Variants in SND1 observed in about 807,000 individuals in gnomAD.
SND1 encodes staphylococcal nuclease domain-containing protein 1.
SND1 carries 38 observed loss-of-function variants against 121.7 expected under a neutral mutation model. The observed-to-expected ratio is 0.31, with a 90% CI of 0.24 to 0.41. The LOEUF (loss-of-function observed/expected upper bound fraction) is 0.41. Ranked by LOEUF, SND1 falls within the 10% of genes least tolerant of loss-of-function variation. The pLI is 1.00. For missense variants in SND1, 868 were observed against 1,184.6 expected, an observed-to-expected ratio of 0.73 and a Z score of 3.92; for synonymous variants, 401 against 447.4, an observed-to-expected ratio of 0.90 and a Z score of 1.31.
intron 14 of SND1, among the ~76,000 whole-genome samples, chr7:127,922,199 T>TTTTTTTTTTTTTTTTTGTTTTTTTG (rs1554443300): frequency 1.1e-5 from 1 of 93,500 alleles, no homozygotes; most frequent in African/African-American, 4.3e-5. Context: ...TTTTTTTTTT[T>TTTTTTTTTTTTTTTTTGTTTTTTTG]TTTTGTTTTG....
intron 9 of SND1, among the ~76,000 whole-genome samples, chr7:127,719,845 T>C (rs1587618468): frequency 1.3e-5 from 2 of 152,242 alleles, no homozygotes; most frequent in South Asian, 4.1e-4. Flanking sequence ...ACTTACAGAT[T>C]GATTCCAGCT....
Position 127,757,194 on chromosome 7 carries a change from G to C in SND1, c.1152+35794G>C, listed in dbSNP as rs191090507. 4.9e-3 allele frequency among the ~76,000 whole-genome samples: 748 copies of C among 152,212 alleles called. 5 individuals are homozygous for C. The highest frequency in any genetic ancestry group is 0.017 in the African/African-American group (708 of 41,546). The stretch of plus-strand genomic sequence containing the variant: ...AGTCAGTGCAATCATACAGTAGGCA[G>C]CCTTTAATATCTGGCTTTTTTCATG... On this transcript the variant is annotated intron_variant, in intron 10 of 23. Coordinates refer to ENST00000354725, the MANE Select transcript of SND1 (RefSeq NM_014390.4).
intron 16 of SND1, among the ~76,000 whole-genome samples, chr7:128,046,934 C>T (rs1194300659): frequency 6.6e-6 from 1 of 152,170 alleles, no homozygotes; most frequent in African/African-American, 2.4e-5. Context: ...CTTACCACTT[C>T]TTTGAAAGTA....
At chr7:127,730,334 C>G (rs1014037505) in intron 10 of SND1, among the ~76,000 whole-genome samples, 2 of 152,186 alleles carry the variant, frequency 1.3e-5, no homozygotes, top group African/African-American at 2.4e-5. Flanking sequence ...AATGCCTTTG[C>G]CTGGTTTAGT....
intron 15 of SND1, among the ~76,000 whole-genome samples, chr7:127,945,886 A>T (rs1801318483): frequency 6.6e-6 from 1 of 152,248 alleles, no homozygotes; most frequent in East Asian, 1.9e-4. Flanking sequence ...GGCCTGGGAA[A>T]GTTAACTCAC....
intron 15 of SND1, among the ~76,000 whole-genome samples, chr7:127,941,901 T>TG (rs1427425541): frequency 6.9e-6 from 1 of 145,562 alleles, no homozygotes; most frequent in Non-Finnish European, 1.5e-5. Flanking sequence ...TTTTTTTTTT[T>TG]TTTTTTTTTT....
chr7:128,033,052 G>A (rs1161894997), intron 16 of SND1, among the ~76,000 whole-genome samples: 2 of 152,112 alleles, frequency 1.3e-5, no homozygotes, highest in Non-Finnish European at 2.9e-5. Context: ...CTTGCTCCCC[G>A]CTGCCCCCAG....
chr7:128,091,898 G>A lies in SND1; in HGVS notation c.2667+17G>A. 6.2e-7 allele frequency: 1 copy of A among 1,614,164 alleles called. No homozygotes were observed. Among genetic ancestry groups the A allele is most frequent in the Non-Finnish European group, 8.5e-7 (1 of 1,180,016 alleles). On this transcript the variant is annotated intron_variant, in intron 23 of 23. Transcript: ENST00000354725. ...AGCGCCAGGGTGAGTTCTTACCTTG[G>A]GAGCCCCCAGAGGGTACCGAGTTGA... is the stretch of plus-strand genomic sequence containing the variant.
At chr7:127,884,521 C>T (rs1345272634) in intron 12 of SND1, among the ~76,000 whole-genome samples, 1 of 152,140 alleles carries the variant, frequency 6.6e-6, no homozygotes, top group Non-Finnish European at 1.5e-5. Context: ...TGCTGAGGGA[C>T]ATAGGGTTCC....
rs757832401 is a variant in SND1, at chr7:128,029,669, G to A, written c.1779+38613G>A. On this transcript the variant is annotated intron_variant, in intron 16 of 23. Coordinates refer to ENST00000354725, the MANE Select transcript of SND1 (RefSeq NM_014390.4). The surrounding 1 kb of genome is among the most constrained non-coding windows in gnomAD (Gnocchi z 4.2). ...TGGGAGCATGACAGCGGCCACAGCA[G>A]GTGGAATTGGTGGGTATATACTCTC... The A allele has an allele frequency of 3.7e-6, 6 of 1,613,842 alleles. No homozygotes were observed. The highest frequency in any genetic ancestry group is 5.1e-6 in the Non-Finnish European group (6 of 1,179,986).
chr7:128,003,222 AAAAATG>A (rs1246486555), intron 16 of SND1, among the ~76,000 whole-genome samples: 3 of 152,222 alleles, frequency 2.0e-5, no homozygotes, highest in Non-Finnish European at 2.9e-5. Context: ...AAAAGAAGAA[AAAAATG>A]AAAATGAAAA....
intron 13 of SND1, among the ~76,000 whole-genome samples, chr7:127,901,574 A>T (rs1403870518): frequency 3.3e-5 from 5 of 151,604 alleles, no homozygotes; most frequent in African/African-American, 1.2e-4. Context: ...GATCCCTCCC[A>T]CTTTGCAGCC....
At chr7:128,005,778 C>T (rs974881342) in intron 16 of SND1, among the ~76,000 whole-genome samples, 5 of 152,134 alleles carry the variant, frequency 3.3e-5, no homozygotes, top group African/African-American at 7.2e-5. Context: ...TCTCCAACTC[C>T]GAGGCTTGCT....
chr7:127,726,713 G>A (rs1374887627), intron 10 of SND1, among the ~76,000 whole-genome samples: 1 of 152,148 alleles, frequency 6.6e-6, no homozygotes, highest in Non-Finnish European at 1.5e-5. Flanking sequence ...GGCATCCGAT[G>A]AAGGGGCTGA....
At chr7:128,078,745 A>ACTG (rs1421600661) in intron 17 of SND1, among the ~76,000 whole-genome samples, 1 of 152,154 alleles carries the variant, frequency 6.6e-6, no homozygotes, top group African/African-American at 2.4e-5. Context: ...ATTCATCAAC[A>ACTG]CTGCTGAGGG....
chr7:127,667,534 C>T (rs971379968), intron 1 of SND1, among the ~76,000 whole-genome samples: 1 of 152,292 alleles, frequency 6.6e-6, no homozygotes, highest in East Asian at 1.9e-4. Context: ...GCAGTAGCTG[C>T]TGTCCCCCAT....
chr7:127,844,916 C>G (rs548612058), intron 12 of SND1, among the ~76,000 whole-genome samples: 1 of 152,256 alleles, frequency 6.6e-6, no homozygotes, highest in East Asian at 1.9e-4. Flanking sequence ...GGCAGCCAGG[C>G]TGAGGAAGAG....
At chr7:127,977,912 G>T (rs993553576) in intron 15 of SND1, among the ~76,000 whole-genome samples, 3 of 152,176 alleles carry the variant, frequency 2.0e-5, no homozygotes, top group Non-Finnish European at 4.4e-5. Context: ...CCAGAATGGG[G>T]AACTCTGGAA....
chr7:127,657,180 A>G (rs902053271), intron 1 of SND1, among the ~76,000 whole-genome samples: 3 of 152,176 alleles, frequency 2.0e-5, no homozygotes, highest in African/African-American at 7.2e-5. Context: ...TGGGCATTGG[A>G]GAAACAGAAT....
Sources: allele counts gnomAD v4.1 joint callset (sites outside exome capture counted in the v4.1 genomes callset), GRCh38; gene constraint gnomAD v4.1.1; non-coding constraint Gnocchi (gnomAD v3.1); transcripts MANE v1.5; gene names NCBI Gene and HGNC (gene_info 2026-07-23, HGNC 2026-07-21).